The following ENOX1 variants were observed in gnomAD, a reference collection of about 807,000 sequenced individuals.
ENOX1 encodes ecto-NOX disulfide-thiol exchanger 1, also known as candidate growth-related and time keeping constitutive hydroquinone (NADH) oxidase.
Under a neutral mutation model 82.5 loss-of-function variants are expected in ENOX1, and 42 were observed. The observed-to-expected ratio is 0.51, with a 90% CI of 0.40 to 0.66. The LOEUF is 0.66. Ranked by LOEUF, ENOX1 falls within the 30% of genes least tolerant of loss-of-function variation. The pLI is 0.00. For missense variants in ENOX1, 608 were observed against 811.6 expected (o/e 0.75, Z 3.05); for synonymous variants, 271 against 282.2 (o/e 0.96, Z 0.40).
At chr13:43,303,457 T>C (rs898775123) in intron 11 of ENOX1, among the ~76,000 whole-genome samples, 3 of 152,196 alleles carry the variant, frequency 2.0e-5, no homozygotes, top group Non-Finnish European at 4.4e-5. Context: ...CTTCTCTTTG[T>C]ATAGAGCAGT....
chr13:43,417,248 A>ACGGGAGACGGGAGACGGGAGAC (rs150224931), intron 3 of ENOX1, among the ~76,000 whole-genome samples: 1 of 94,924 alleles, frequency 1.1e-5, no homozygotes, highest in Non-Finnish European at 2.1e-5. Flanking sequence ...GAGACGGGAG[A>ACGGGAGACGGGAGACGGGAGAC]GGGAGAGGGA....
chr13:43,507,481 A>G (rs1475423431), intron 2 of ENOX1, among the ~76,000 whole-genome samples: 1 of 152,048 alleles, frequency 6.6e-6, no homozygotes, highest in Non-Finnish European at 1.5e-5. Flanking sequence ...ACTGGATACT[A>G]AAAAATAGAG....
intron 1 of ENOX1, among the ~76,000 whole-genome samples, chr13:43,756,330 T>C (rs1313604749): frequency 6.6e-6 from 1 of 151,920 alleles, no homozygotes; most frequent in African/African-American, 2.4e-5. Context: ...CTCAGGAGGC[T>C]GAGGTGGGAG....
At chr13:43,364,179 C>T (rs113226717) in intron 5 of ENOX1, among the ~76,000 whole-genome samples, 10 of 152,192 alleles carry the variant, frequency 6.6e-5, no homozygotes, top group Non-Finnish European at 1.2e-4. Context: ...TTAAAGCAAA[C>T]GCACAAACTG....
intron 5 of ENOX1, among the ~76,000 whole-genome samples, chr13:43,372,231 A>G (rs1286479099): frequency 6.6e-6 from 1 of 152,208 alleles, no homozygotes; most frequent in Non-Finnish European, 1.5e-5. Flanking sequence ...GGTTCTTGTT[A>G]GTTATTCCTT....
At chr13:43,342,847 C>T (rs1488925922) in intron 9 of ENOX1, among the ~76,000 whole-genome samples, 1 of 152,202 alleles carries the variant, frequency 6.6e-6, no homozygotes, top group Non-Finnish European at 1.5e-5. Context: ...CAAATATGGG[C>T]CAACTTACAC....
chr13:43,288,160 T>A (rs984245551), intron 12 of ENOX1, among the ~76,000 whole-genome samples: 3 of 152,178 alleles, frequency 2.0e-5, no homozygotes, highest in Non-Finnish European at 4.4e-5. Flanking sequence ...CTGGAATAGT[T>A]AAAGGAAGAC....
chr13:43,763,485 TA>T (rs1358410318), intron 1 of ENOX1, among the ~76,000 whole-genome samples: 1 of 152,194 alleles, frequency 6.6e-6, no homozygotes, highest in Admixed American at 6.5e-5. Flanking sequence ...ACATTCAGTC[TA>T]TAGCAGATCT....
intron 5 of ENOX1, among the ~76,000 whole-genome samples, chr13:43,370,173 C>T (rs1438132889): frequency 6.6e-6 from 1 of 152,158 alleles, no homozygotes; most frequent in Non-Finnish European, 1.5e-5. Flanking sequence ...CGAGACCAAC[C>T]TGGCTAACAC....
At chr13:43,444,703 AAG>A (rs1476696090) in intron 3 of ENOX1, among the ~76,000 whole-genome samples, 1 of 152,266 alleles carries the variant, frequency 6.6e-6, no homozygotes, top group African/African-American at 2.4e-5. Flanking sequence ...AAACGTGTAT[AAG>A]AGAGGTACAA....
rs182380544 is a variant in ENOX1 at position 43,341,515 on chromosome 13, T to G, written c.1036+3023A>C. ...ATGGGCTCAGGGGGAAAGGGGCCAG[T>G]GGAAATGATGCATGGTGAGTCTGAG... On this transcript the variant is annotated intron_variant, in intron 9 of 16. Coordinates refer to ENST00000690772, the MANE Select transcript of ENOX1 (RefSeq NM_001347969.2). 7.9e-5 allele frequency among the ~76,000 whole-genome samples: 12 copies of G among 151,954 alleles called. No individual in the cohort carries two copies. In the East Asian group the frequency reaches 2.1e-3, roughly 27 times the overall value.
intron 1 of ENOX1, among the ~76,000 whole-genome samples, chr13:43,686,897 C>A (rs1399008705): frequency 6.6e-6 from 1 of 152,080 alleles, no homozygotes; most frequent in African/African-American, 2.4e-5. Context: ...TCCATCACAG[C>A]CCCAAAGAAA....
chr13:43,552,593 C>T (rs1206266974), intron 2 of ENOX1, among the ~76,000 whole-genome samples: 3 of 152,078 alleles, frequency 2.0e-5, no homozygotes, highest in Non-Finnish European at 2.9e-5. Flanking sequence ...ACTGTTCTTC[C>T]CCCTCTCATT....
At chr13:43,561,288 C>A (rs1295050223) in intron 2 of ENOX1, among the ~76,000 whole-genome samples, 2 of 152,106 alleles carry the variant, frequency 1.3e-5, no homozygotes, top group African/African-American at 4.8e-5. Flanking sequence ...AAAGCACAGC[C>A]GACAAAGCTC....
At chr13:43,345,746 C>T (rs1475521506) in intron 8 of ENOX1, among the ~76,000 whole-genome samples, 1 of 152,190 alleles carries the variant, frequency 6.6e-6, no homozygotes, top group Admixed American at 6.5e-5. Context: ...TCATTGTGTT[C>T]TGCAATCCCT....
chr13:43,414,883 G>T (rs893098599), intron 3 of ENOX1, among the ~76,000 whole-genome samples: 71 of 152,162 alleles, frequency 4.7e-4, no homozygotes, highest in African/African-American at 1.7e-3. Context: ...CATGACTTGT[G>T]CCTGACCCAC....
intron 2 of ENOX1, among the ~76,000 whole-genome samples, chr13:43,503,293 C>A (rs1390841761): frequency 2.6e-5 from 4 of 151,702 alleles, no homozygotes; most frequent in Admixed American, 6.6e-5. Flanking sequence ...TGAAGAATAT[C>A]AAAATGTTCA....
chr13:43,330,463 AT>A (rs970917424), intron 9 of ENOX1, among the ~76,000 whole-genome samples: 10 of 152,162 alleles, frequency 6.6e-5, no homozygotes, highest in Admixed American at 5.2e-4. Flanking sequence ...GGTAAAGGGA[AT>A]TTTTTTTCTT....
intron 3 of ENOX1, among the ~76,000 whole-genome samples, chr13:43,422,264 G>A (rs1048062346): frequency 7.2e-5 from 11 of 152,172 alleles, no homozygotes; most frequent in Admixed American, 2.6e-4. Context: ...CTCCTTTTGT[G>A]AGACTTCTTG....
Sources: allele counts gnomAD v4.1 joint callset (sites outside exome capture counted in the v4.1 genomes callset), GRCh38; gene constraint gnomAD v4.1.1; transcripts MANE v1.5; gene names NCBI Gene and HGNC (gene_info 2026-07-23, HGNC 2026-07-21).